The following MED27 variants were observed in gnomAD, a reference collection of about 807,000 sequenced individuals.
The protein encoded by MED27 is mediator of RNA polymerase II transcription subunit 27.
Under a neutral mutation model 38.2 loss-of-function variants are expected in MED27, and 30 were observed. That is an observed-to-expected ratio of 0.79 (90% confidence interval 0.59 to 1.07). MED27 has a LOEUF of 1.07. Among genes scored for constraint, MED27 ranks in the 50% least tolerant of loss-of-function variants. The pLI is 0.00. For synonymous variants in MED27, 122 were observed against 153.5 expected, an observed-to-expected ratio of 0.79 and a Z score of 1.52; for missense variants, 289 against 397.5, an observed-to-expected ratio of 0.73 and a Z score of 2.32.
intron 2 of MED27, among the ~76,000 whole-genome samples, chr9:132,049,763 C>A (rs1190289890): frequency 1.3e-5 from 2 of 152,142 alleles, no homozygotes; most frequent in African/African-American, 4.8e-5. Context: ...CAACTGTCTG[C>A]GAGACTGGCT....
chr9:132,004,543 C>T (rs1034265968), intron 3 of MED27, among the ~76,000 whole-genome samples: 5 of 152,194 alleles, frequency 3.3e-5, no homozygotes, highest in Admixed American at 1.3e-4. Flanking sequence ...CCTGTAGCAG[C>T]GCACTGCAAG....
chr9:132,037,375 T>C (rs1303645996), intron 2 of MED27, among the ~76,000 whole-genome samples: 1 of 152,050 alleles, frequency 6.6e-6, no homozygotes, highest in Non-Finnish European at 1.5e-5. Context: ...CATATGGTGG[T>C]TTTCAAGCCC....
chr9:131,913,787 C>T lies in MED27; in HGVS notation c.574-19795G>A, dbSNP rs528868426. On this transcript the variant is annotated intron_variant, in intron 4 of 7. Transcript: ENST00000292035. This position sits in a 1 kb window ranked among gnomAD's most constrained non-coding sequence, Gnocchi z 4.5. ...CCGCTTTACCCCATCAATTCTGGGG[C>T]GAAACTGACACTTCTAACAAGCACC... is the stretch of plus-strand genomic sequence containing the variant. Among the ~76,000 whole-genome samples the T allele has an allele frequency of 6.6e-5, 10 of 152,150 alleles. No individual in the cohort carries two copies. The highest frequency in any genetic ancestry group is 2.2e-4 in the African/African-American group (9 of 41,420).
intron 6 of MED27, chr9:131,869,350 T>C (rs1838789105): frequency 4.1e-6 from 4 of 985,228 alleles, no homozygotes; most frequent in Non-Finnish European, 4.8e-6. Flanking sequence ...AAAGTTGTTT[T>C]TTTGCTCAGC....
chr9:131,885,172 A>G (rs1192253607), intron 5 of MED27, among the ~76,000 whole-genome samples: 1 of 152,168 alleles, frequency 6.6e-6, no homozygotes, highest in Non-Finnish European at 1.5e-5. Context: ...GCACTGCACT[A>G]GGCCCTCCAC....
chr9:132,017,868 T>A lies in MED27; in HGVS notation c.349-3401A>T, dbSNP rs568227983. Among the ~76,000 whole-genome samples, 99 of 152,356 alleles carry A rather than the reference T, an allele frequency of 6.5e-4. No individual in the cohort carries two copies. The Middle Eastern group carries it at 0.01, about 16-fold the overall frequency. On this transcript the variant is annotated intron_variant, in intron 2 of 7. Transcript: ENST00000292035. ...CTGAGAAAATTTTAACAATTAATAA[T>A]GGTCTGAGGAAAGACCAATTAAAAT...
intron 2 of MED27, among the ~76,000 whole-genome samples, chr9:132,056,419 G>A (rs1021422586): frequency 2.0e-5 from 3 of 152,100 alleles, no homozygotes; most frequent in Non-Finnish European, 2.9e-5. Context: ...AATGAGAATC[G>A]CTGGGTGAAA....
At chr9:131,990,706 A>G (rs1189038928) in intron 3 of MED27, among the ~76,000 whole-genome samples, 2 of 152,178 alleles carry the variant, frequency 1.3e-5, no homozygotes, top group Non-Finnish European at 2.9e-5. Context: ...CCTGAAAACC[A>G]GTCTTGTCCC....
At chr9:132,048,758 G>A (rs1344986113) in intron 2 of MED27, among the ~76,000 whole-genome samples, 4 of 152,170 alleles carry the variant, frequency 2.6e-5, no homozygotes, top group Admixed American at 2.0e-4. Context: ...GCATCACGGG[G>A]GTGGCGGGCA....
At chr9:131,885,874 A>C (rs1372143398) in intron 5 of MED27, among the ~76,000 whole-genome samples, 1 of 152,174 alleles carries the variant, frequency 6.6e-6, no homozygotes, top group African/African-American at 2.4e-5. Flanking sequence ...TGACTTTAAT[A>C]TATGAATTCA....
rs559021397 is a variant in MED27 at position 132,050,628 on chromosome 9, G to C, written c.348+26814C>G. On this transcript the variant is annotated intron_variant, in intron 2 of 7. Coordinates refer to ENST00000292035, the MANE Select transcript of MED27 (RefSeq NM_004269.4). ...AATACTAACAGCTTCAACTGCAGCA[G>C]AGTGCCTTCCAAAGACTCCAAGGCT... is the stretch of plus-strand genomic sequence containing the variant. 3.3e-5 allele frequency among the ~76,000 whole-genome samples: 5 copies of C among 152,338 alleles called. No individual in the cohort carries two copies. In the South Asian group the frequency reaches 1.0e-3, roughly 32 times the overall value.
At chr9:132,054,365 G>A (rs570267056) in intron 2 of MED27, among the ~76,000 whole-genome samples, 1 of 152,324 alleles carries the variant, frequency 6.6e-6, no homozygotes, top group South Asian at 2.1e-4. Context: ...AAGCCCAGAA[G>A]CTCAGCAGAT....
chr9:131,908,580 C>T (rs1446588322), intron 4 of MED27, among the ~76,000 whole-genome samples: 1 of 152,186 alleles, frequency 6.6e-6, no homozygotes, highest in African/African-American at 2.4e-5. Flanking sequence ...ACCTTACCCC[C>T]AACCCAGTGC....
intron 4 of MED27, among the ~76,000 whole-genome samples, chr9:131,901,351 G>T (rs547018741): frequency 6.6e-6 from 1 of 152,304 alleles, no homozygotes; most frequent in Admixed American, 6.5e-5. Context: ...AGGCTGAAAA[G>T]GATATAAACA....
intron 4 of MED27, among the ~76,000 whole-genome samples, chr9:131,904,540 G>GT (rs63697360): frequency 2.0e-5 from 3 of 150,938 alleles, no homozygotes; most frequent in African/African-American, 7.3e-5. Flanking sequence ...AATAGAGATC[G>GT]GGGGGGAGCG....
At chr9:131,869,133 C>T (rs1838784884) in intron 6 of MED27, 41 of 985,310 alleles carry the variant, frequency 4.2e-5, no homozygotes, top group Non-Finnish European at 4.8e-5. Flanking sequence ...CAATTTCCCA[C>T]CACCAATTAC....
In MED27 at chr9:131,917,925, C is replaced by G. The variant is rs527819475; in HGVS notation, c.573+21456G>C. On this transcript the variant is annotated intron_variant, in intron 4 of 7. Coordinates refer to ENST00000292035, the MANE Select transcript of MED27 (RefSeq NM_004269.4). The surrounding 1 kb of genome is among the most constrained non-coding windows in gnomAD (Gnocchi z 4.6). ...GTGGTAGTACTATGCATTCACTCAA[C>G]CCACTTTTCTAAATTTTAAAAACAG... 1.6e-4 allele frequency among the ~76,000 whole-genome samples: 25 copies of G among 152,262 alleles called. No individual in the cohort carries two copies. In the East Asian group the frequency reaches 4.4e-3, roughly 27 times the overall value.
chr9:132,028,727 T>C (rs1477839789), intron 2 of MED27, among the ~76,000 whole-genome samples: 1 of 152,070 alleles, frequency 6.6e-6, no homozygotes, highest in African/African-American at 2.4e-5. Context: ...AGCCTTCAAA[T>C]CATTTTCAAA....
chr9:132,066,305 C>CA (rs1446822687), intron 2 of MED27, among the ~76,000 whole-genome samples: 1 of 152,258 alleles, frequency 6.6e-6, no homozygotes, highest in Non-Finnish European at 1.5e-5. Context: ...CAGGCGGAGG[C>CA]ATGGCGAGCA....
Sources: gnomAD v4.1 joint callset for allele counts (sites outside exome capture counted in the v4.1 genomes callset) on GRCh38, gnomAD v4.1.1 for gene constraint, Gnocchi (gnomAD v3.1) non-coding constraint, MANE v1.5 for transcripts, NCBI Gene and HGNC (gene_info 2026-07-23, HGNC 2026-07-21) for gene names.